The following IKZF1 variants were observed in gnomAD, a reference collection of about 807,000 sequenced individuals.
The protein encoded by IKZF1 is DNA-binding protein Ikaros.
A neutral mutation model predicts 51.7 loss-of-function variants in IKZF1; 10 were observed. That is an observed-to-expected ratio of 0.19 (90% CI 0.12 to 0.33). The LOEUF (loss-of-function observed/expected upper bound fraction) is 0.33, where lower values mean the gene tolerates loss of function less well. IKZF1 is among the 10% of genes least tolerant of loss of function. IKZF1 has a pLI of 1.00. For missense variants in IKZF1, 484 were observed against 707.5 expected, an observed-to-expected ratio of 0.68 and a Z score of 3.58; for synonymous variants, 280 against 282.3, an observed-to-expected ratio of 0.99 and a Z score of 0.08.
intron 3 of IKZF1, among the ~76,000 whole-genome samples, chr7:50,363,208 T>G (rs1052871302): frequency 6.6e-6 from 1 of 152,150 alleles, no homozygotes; most frequent in Non-Finnish European, 1.5e-5. Flanking sequence ...ATGGGCAGAA[T>G]GACGAGGATC....
chr7:50,319,167 C>T (rs543333473), intron 2 of IKZF1, 66 bp downstream of exon 2: 12 of 1,379,574 alleles, frequency 8.7e-6, no homozygotes, highest in Non-Finnish European at 1.2e-5. Flanking sequence ...CCGGAAGTCA[C>T]AGTGCTTGGT....
chr7:50,326,125 T>C (rs537393407), intron 2 of IKZF1, among the ~76,000 whole-genome samples: 1 of 152,368 alleles, frequency 6.6e-6, no homozygotes, highest in South Asian at 2.1e-4. Flanking sequence ...GGTTGTTTTA[T>C]ATACTGAGGA....
At chr7:50,381,577 C>T (rs545571055) in intron 4 of IKZF1, among the ~76,000 whole-genome samples, 1 of 152,338 alleles carries the variant, frequency 6.6e-6, no homozygotes, top group East Asian at 1.9e-4. Flanking sequence ...AATGGAGACA[C>T]AGGTGCTGCC....
chr7:50,385,670 T>C (rs768773273), intron 5 of IKZF1, among the ~76,000 whole-genome samples: 2 of 152,256 alleles, frequency 1.3e-5, no homozygotes, highest in South Asian at 4.1e-4. Flanking sequence ...AAAATAGATA[T>C]TCAGACATCA....
At chr7:50,380,701 G>C (rs1811605434) in intron 4 of IKZF1, among the ~76,000 whole-genome samples, 1 of 152,052 alleles carries the variant, frequency 6.6e-6, no homozygotes, top group African/African-American at 2.4e-5. Flanking sequence ...GGGTCTCCCT[G>C]CACCAGCTCA....
At chr7:50,332,777 G>A (rs1047815941) in intron 3 of IKZF1, among the ~76,000 whole-genome samples, 62 of 152,352 alleles carry the variant, frequency 4.1e-4, no homozygotes, top group Middle Eastern at 3.4e-3. Context: ...ACCTCAGGCA[G>A]TAGTTATTCA....
chr7:50,400,800 CT>C lies in IKZF1; in HGVS notation c.*177del. Reference sequence around the variant, plus strand: ...AGTTGGTTGATTGGGGTTTGATTTGCTTTTGAAAAGATTTTTATTTTTAGAG... The same window carrying C: ...AGTTGGTTGATTGGGGTTTGATTTGCTTTGAAAAGATTTTTATTTTTAGAG... On this transcript the variant is annotated 3_prime_UTR_variant, in exon 8 of 8. Transcript: ENST00000331340. This position sits in a 1 kb window ranked among gnomAD's most constrained non-coding sequence, Gnocchi z 5.4. 1.2e-6 allele frequency: 1 copy of C among 845,514 alleles called. No homozygotes were observed. Among genetic ancestry groups the C allele is most frequent in the Non-Finnish European group, 1.8e-6 (1 of 561,700 alleles). 52.4% of individuals were successfully genotyped at this position (845,514 alleles called of 1,614,324 possible).
At chr7:50,370,473 A>C (rs546348846) in intron 3 of IKZF1, among the ~76,000 whole-genome samples, 1 of 152,220 alleles carries the variant, frequency 6.6e-6, no homozygotes, top group African/African-American at 2.4e-5. Flanking sequence ...AAACTTGTCT[A>C]TCTACCAAAG....
intron 3 of IKZF1, among the ~76,000 whole-genome samples, chr7:50,366,987 A>G (rs1337540777): frequency 1.3e-5 from 2 of 152,172 alleles, no homozygotes; most frequent in Admixed American, 6.5e-5. Context: ...GCAGATGGAG[A>G]GTAAGGATTT....
chr7:50,391,220 A>T (rs1052646308), intron 6 of IKZF1, among the ~76,000 whole-genome samples: 4 of 152,128 alleles, frequency 2.6e-5, no homozygotes, highest in Non-Finnish European at 5.9e-5. Context: ...GCTCAGGGAT[A>T]AGGGGCTCTG....
At chr7:50,366,561 T>C (rs1363585610) in intron 3 of IKZF1, among the ~76,000 whole-genome samples, 1 of 152,218 alleles carries the variant, frequency 6.6e-6, no homozygotes, top group Non-Finnish European at 1.5e-5. Context: ...CAGGGATATA[T>C]TAGGAAGTTA....
chr7:50,352,372 A>C (rs1802082747), intron 3 of IKZF1, among the ~76,000 whole-genome samples: 1 of 152,206 alleles, frequency 6.6e-6, no homozygotes, highest in African/African-American at 2.4e-5. Flanking sequence ...TCATTTTTAC[A>C]ACTGTGCCTA....
At chr7:50,342,254 T>G (rs1799222077) in intron 3 of IKZF1, among the ~76,000 whole-genome samples, 3 of 152,358 alleles carry the variant, frequency 2.0e-5, no homozygotes, top group Non-Finnish European at 2.9e-5. Flanking sequence ...GCATTTTGGT[T>G]AAGTACAAAG....
chr7:50,383,954 G>A (rs1317955509), intron 5 of IKZF1, among the ~76,000 whole-genome samples: 1 of 152,222 alleles, frequency 6.6e-6, no homozygotes, highest in Non-Finnish European at 1.5e-5. Flanking sequence ...GCACCCCTGG[G>A]TGCCCATTCT....
At chr7:50,387,178 AC>A (rs1466239674) in intron 5 of IKZF1, among the ~76,000 whole-genome samples, 166 bp from the exon 6 acceptor site, 1 of 152,216 alleles carries the variant, frequency 6.6e-6, no homozygotes, top group African/African-American at 2.4e-5. Flanking sequence ...ACCCTTGGCC[AC>A]CAACGTTTTT....
chr7:50,330,076 CT>C (rs912971915), intron 3 of IKZF1, among the ~76,000 whole-genome samples: 37 of 152,264 alleles, frequency 2.4e-4, no homozygotes, highest in African/African-American at 8.7e-4. Flanking sequence ...CCAGAGCTGT[CT>C]TTTGGTTCAA....
chr7:50,313,170 T>G (rs1485195369), intron 1 of IKZF1, among the ~76,000 whole-genome samples: 2 of 152,224 alleles, frequency 1.3e-5, no homozygotes, highest in Non-Finnish European at 2.9e-5. Context: ...TATGATAGAT[T>G]TGCAAAAGTA....
intron 2 of IKZF1, 34 bp downstream of exon 2, chr7:50,319,135 C>G (rs368470803): frequency 6.2e-7 from 1 of 1,604,968 alleles, no homozygotes; most frequent in Non-Finnish European, 8.5e-7. Flanking sequence ...GTGGGAAGTT[C>G]ATGAGAAAAG....
chr7:50,360,102 G>A (rs986940519), intron 3 of IKZF1, among the ~76,000 whole-genome samples: 1 of 152,020 alleles, frequency 6.6e-6, no homozygotes, highest in African/African-American at 2.4e-5. Context: ...CCTCCTCTGT[G>A]CTGAGTCACC....
Sources: allele counts gnomAD v4.1 joint callset (sites outside exome capture counted in the v4.1 genomes callset), GRCh38; gene constraint gnomAD v4.1.1; non-coding constraint Gnocchi (gnomAD v3.1); transcripts MANE v1.5; gene names NCBI Gene and HGNC (gene_info 2026-07-23, HGNC 2026-07-21).